The following IPCEF1 variants were observed in gnomAD, a reference collection of about 807,000 sequenced individuals.
IPCEF1 encodes the protein interaction protein for cytohesin exchange factors 1, also known as interactor protein for cytohesin exchange factors 1.
Under a neutral mutation model 50.9 loss-of-function variants are expected in IPCEF1, and 31 were observed. The observed-to-expected ratio is 0.61, with a 90% confidence interval of 0.46 to 0.82. The LOEUF (loss-of-function observed/expected upper bound fraction) is 0.82. IPCEF1 is among the 40% of genes least tolerant of loss of function. IPCEF1 has a pLI of 0.00. For missense variants in IPCEF1, 458 were observed against 514.0 expected (o/e 0.89, Z 1.05); for synonymous variants, 181 against 192.0 (o/e 0.94, Z 0.47).
At chr6:154,229,723 T>C (rs1186870309) in intron 5 of IPCEF1, among the ~76,000 whole-genome samples, 1 of 152,168 alleles carries the variant, frequency 6.6e-6, no homozygotes. Flanking sequence ...CTCCTAGGTG[T>C]CTACCCAAGA....
intron 1 of IPCEF1, among the ~76,000 whole-genome samples, chr6:154,322,397 CACACA>C (rs1783405676): frequency 6.6e-6 from 1 of 151,788 alleles, no homozygotes. Flanking sequence ...CACACACACA[CACACA>C]CCCCTATGTT....
chr6:154,262,769 CTTTTTTTTTTT>C (rs138504583), intron 3 of IPCEF1, among the ~76,000 whole-genome samples: 143 of 97,716 alleles, frequency 1.5e-3, no homozygotes, highest in Admixed American at 3.0e-3. Context: ...GCTTATAATC[CTTTTTTTTTTT>C]TTTTTTTTTT....
At chr6:154,327,699 A>C (rs933631439) in intron 1 of IPCEF1, among the ~76,000 whole-genome samples, 9 of 152,252 alleles carry the variant, frequency 5.9e-5, no homozygotes, top group African/African-American at 2.2e-4. Flanking sequence ...ATACCATTTG[A>C]CCCAGCAATC....
chr6:154,281,191 A>C (rs1377021748), intron 2 of IPCEF1, among the ~76,000 whole-genome samples: 1 of 133,256 alleles, frequency 7.5e-6, no homozygotes, highest in African/African-American at 3.9e-5. Flanking sequence ...ATACAAAAAA[A>C]AAAAAAAAAA....
intron 11 of IPCEF1, among the ~76,000 whole-genome samples, chr6:154,165,758 G>A (rs1799377643): frequency 6.6e-6 from 1 of 152,246 alleles, no homozygotes; most frequent in African/African-American, 2.4e-5. Flanking sequence ...CAAAAGTAAT[G>A]TGATGTCATT....
chr6:154,350,303 A>T (rs1455301912), intron 1 of IPCEF1, among the ~76,000 whole-genome samples: 1 of 152,228 alleles, frequency 6.6e-6, no homozygotes, highest in Non-Finnish European at 1.5e-5. Flanking sequence ...CCCCAAATAG[A>T]CGCTGATGTT....
At chr6:154,355,163 A>T (rs572432142) in intron 1 of IPCEF1, among the ~76,000 whole-genome samples, 1 of 152,324 alleles carries the variant, frequency 6.6e-6, no homozygotes, top group African/African-American at 2.4e-5. Flanking sequence ...AGGATGCACG[A>T]GTCAAAAGGA....
intron 1 of IPCEF1, among the ~76,000 whole-genome samples, chr6:154,299,757 G>T (rs565741868): frequency 1.4e-5 from 2 of 139,800 alleles, no homozygotes; most frequent in Non-Finnish European, 3.2e-5. Flanking sequence ...AACTTAAAAC[G>T]AAATAAAATA....
intron 1 of IPCEF1, among the ~76,000 whole-genome samples, chr6:154,300,623 C>A (rs1562585252): frequency 6.6e-6 from 1 of 151,846 alleles, no homozygotes; most frequent in South Asian, 2.1e-4. Context: ...CTAAAAACAA[C>A]AAAAAAACAC....
intron 10 of IPCEF1, among the ~76,000 whole-genome samples, chr6:154,177,352 A>C (rs993795491): frequency 6.6e-6 from 1 of 152,228 alleles, no homozygotes; most frequent in African/African-American, 2.4e-5. Context: ...TGAACAGGCA[A>C]CCTACAGAAT....
chr6:154,312,082 A>G (rs756846031), intron 1 of IPCEF1, among the ~76,000 whole-genome samples: 2 of 152,252 alleles, frequency 1.3e-5, no homozygotes, highest in African/African-American at 2.4e-5. Flanking sequence ...ACAGATGAAC[A>G]GATAAAGAAA....
chr6:154,205,273 C>T (rs1251862636), intron 9 of IPCEF1, among the ~76,000 whole-genome samples: 1 of 151,126 alleles, frequency 6.6e-6, no homozygotes, highest in Non-Finnish European at 1.5e-5. Flanking sequence ...TTCAGCATCC[C>T]TGTATTTTTT....
intron 6 of IPCEF1, 87 bp downstream of exon 6, chr6:154,223,083 A>T: frequency 9.6e-7 from 1 of 1,042,430 alleles, no homozygotes; most frequent in Non-Finnish European, 1.5e-6. Flanking sequence ...ACCTTCACTC[A>T]CTTCTAAATC....
chr6:154,350,626 C>T (rs1328081352), intron 1 of IPCEF1, among the ~76,000 whole-genome samples: 1 of 152,254 alleles, frequency 6.6e-6, no homozygotes, highest in Non-Finnish European at 1.5e-5. Flanking sequence ...CCTGTATTAG[C>T]TTCCAAGAAG....
At chr6:154,328,416 A>G (rs76243766) in intron 1 of IPCEF1, among the ~76,000 whole-genome samples, 5,756 of 152,050 alleles carry the variant, frequency 0.038, 140 homozygotes, top group African/African-American at 0.064. Flanking sequence ...GATTTACAAC[A>G]CCTGTTAACG....
At chr6:154,173,029 TCTGGAGTGCAC>T (rs1800002750) in intron 10 of IPCEF1, among the ~76,000 whole-genome samples, 1 of 152,176 alleles carries the variant, frequency 6.6e-6, no homozygotes, top group African/African-American at 2.4e-5. Context: ...GCAAACAGGG[TCTGGAGTGCAC>T]CTGCAGCAAA....
chr6:154,237,138 C>T (rs1441668691), intron 5 of IPCEF1, among the ~76,000 whole-genome samples: 1 of 152,158 alleles, frequency 6.6e-6, no homozygotes, highest in Non-Finnish European at 1.5e-5. Flanking sequence ...GAGCTTGCTC[C>T]AGACAGATGA....
At chr6:154,286,198 G>C (rs911630180) in intron 2 of IPCEF1, among the ~76,000 whole-genome samples, 3 of 152,096 alleles carry the variant, frequency 2.0e-5, no homozygotes, top group African/African-American at 7.2e-5. Flanking sequence ...TCTGGGGGTG[G>C]GGGGTGGCAA....
In IPCEF1 at chr6:154,162,456, A is replaced by G. The variant is rs1256239070; in HGVS notation, c.1105-2416T>C. Among the ~76,000 whole-genome samples the G allele has an allele frequency of 2.0e-5, 3 of 152,350 alleles. No individual in the cohort carries two copies. The East Asian group carries it at 5.8e-4, about 29-fold the overall frequency. On this transcript the variant is annotated intron_variant, in intron 11 of 11. Coordinates refer to ENST00000367220, the MANE Select transcript of IPCEF1 (RefSeq NM_001130700.2). Reference sequence around the variant, plus strand: ...AGTGACCTCCATGTTGTTAAATCCAATAAACCATTAAATCAATGTTAAACC... The same window carrying G: ...AGTGACCTCCATGTTGTTAAATCCAGTAAACCATTAAATCAATGTTAAACC...
Sources: allele counts gnomAD v4.1 joint callset (sites outside exome capture counted in the v4.1 genomes callset), GRCh38; gene constraint gnomAD v4.1.1; transcripts MANE v1.5; gene names NCBI Gene and HGNC (gene_info 2026-07-23, HGNC 2026-07-21).